The following VILL variants were observed in gnomAD, a reference collection of about 807,000 sequenced individuals.
The protein encoded by VILL is villin-like protein.
VILL carries 102 observed loss-of-function variants against 106.3 expected under a neutral mutation model. That is an observed-to-expected ratio of 0.96 (90% CI 0.82 to 1.13). The LOEUF is 1.13. Among genes scored for constraint, VILL ranks in the 50% most tolerant of loss-of-function variants. VILL has a pLI of 0.00. For synonymous variants in VILL, 431 were observed against 440.3 expected (o/e 0.98, Z 0.27); for missense variants, 1,076 against 1,116.6 (o/e 0.96, Z 0.52).
At chr3:38,002,687 T>TG in intron 14 of VILL, 112 bp downstream of exon 14, 3 of 1,220,792 alleles carry the variant, frequency 2.5e-6, no homozygotes, top group Non-Finnish European at 3.4e-6. Context: ...GATAGGCCGA[T>TG]GGGGGGAATG....
Position 37,998,221 on chromosome 3 carries a change from G to T in VILL, c.844-45G>T. 6.2e-7 allele frequency: 1 copy of T among 1,613,886 alleles called. No individual in the cohort carries two copies. Among genetic ancestry groups the T allele is most frequent in the South Asian group, 1.1e-5 (1 of 91,074 alleles). Reference sequence around the variant, plus strand: ...GCATCCTTCCCCATCCACAACCCCAGCCCAGTCTGGACCACCTACTGACCA... The same window carrying T: ...GCATCCTTCCCCATCCACAACCCCATCCCAGTCTGGACCACCTACTGACCA... On this transcript the variant is annotated intron_variant, in intron 8 of 19. Coordinates refer to ENST00000383759, the MANE Select transcript of VILL (RefSeq NM_015873.4). The surrounding 1 kb of genome is among the most constrained non-coding windows in gnomAD (Gnocchi z 4.1).
At chr3:37,991,659 G>A (rs1699612438) in intron 1 of VILL, among the ~76,000 whole-genome samples, 1 of 152,028 alleles carries the variant, frequency 6.6e-6, no homozygotes, top group Admixed American at 6.5e-5. Flanking sequence ...TGGAGGAAGT[G>A]CACCCCCAGG....
rs377050534 is a variant in VILL, at chr3:38,001,828, G to A, written c.1447G>A (p.Ala483Thr). The A allele has an allele frequency of 1.3e-5, 21 of 1,614,112 alleles. No homozygotes were observed. Among genetic ancestry groups the A allele is most frequent in the East Asian group, 4.5e-5 (2 of 44,896 alleles). ...TMGSEPPHFL[A>T]IFQGQLVIFQ... Reference sequence around the variant, plus strand: ...GGGCAGCGAGCCCCCCCACTTCCTCGCCATCTTCCAGGGCCAGCTGGTGAT... The same window carrying A: ...GGGCAGCGAGCCCCCCCACTTCCTCACCATCTTCCAGGGCCAGCTGGTGAT... The change falls in exon 13 of 20, where the codon GCC (alanine) becomes ACC (threonine). Residue 483 changes from alanine (A) to threonine (T), a missense_variant. Ala to Thr is a moderately conservative substitution (Grantham distance 58). Coordinates refer to ENST00000383759, the MANE Select transcript of VILL (RefSeq NM_015873.4).
rs1030147828 is a variant in VILL at position 37,990,919 on chromosome 3, G to A, written c.-87+90G>A. On this transcript the variant is annotated intron_variant, in intron 1 of 19. Transcript: ENST00000383759. This position sits in a 1 kb window ranked among gnomAD's most constrained non-coding sequence, Gnocchi z 5.1. ...TTCAAGTCAAGGGCATAGAGCATAG[G>A]GTCCCAGGGCTCAGGGCCACAGAGC... 3.3e-5 allele frequency: 5 copies of A among 152,468 alleles called. No homozygotes were observed. Among genetic ancestry groups the A allele is most frequent in the African/African-American group, 1.2e-4 (5 of 41,458 alleles). The allele number at this position is 152,468 out of a possible 1,614,324, so 9.4% of individuals were successfully genotyped here. A position where few individuals can be genotyped will look rare whatever the true frequency, so the allele number is the denominator to read the frequency against.
chr3:37,988,175 A>T (rs1019946217), upstream of VILL: 3 of 152,320 alleles, frequency 2.0e-5, no homozygotes, highest in African/African-American at 7.2e-5. Flanking sequence ...CTGCAGTGCA[A>T]AGGTCTGCAG....
intron 1 of VILL, among the ~76,000 whole-genome samples, chr3:37,991,797 C>G (rs1559654408): frequency 6.6e-6 from 1 of 151,000 alleles, no homozygotes; most frequent in Non-Finnish European, 1.5e-5. Context: ...GGAGGGGGCA[C>G]TGTGGGGGGT....
At chr3:37,993,861 G>A in intron 2 of VILL, 37 bp from the exon 3 acceptor site, 1 of 1,612,998 alleles carries the variant, frequency 6.2e-7, no homozygotes, top group Non-Finnish European at 8.5e-7. Context: ...ATGGGTAGAG[G>A]CCTCCTGAGT....
In VILL at chr3:37,998,398, G is replaced by A; in HGVS notation, c.942+34G>A. Reference sequence around the variant, plus strand: ...TGGGGCTCTGTCTGAGAGGAACAGAGCACTGCCCTGGGGTCTGAGTGGGGA... The same window carrying A: ...TGGGGCTCTGTCTGAGAGGAACAGAACACTGCCCTGGGGTCTGAGTGGGGA... On this transcript the variant is annotated intron_variant, in intron 9 of 19. Transcript: ENST00000383759. The surrounding 1 kb of genome is among the most constrained non-coding windows in gnomAD (Gnocchi z 4.1). 1 of 1,598,824 alleles carries A rather than the reference G, an allele frequency of 6.3e-7. No homozygotes were observed. Among genetic ancestry groups the A allele is most frequent in the Non-Finnish European group, 8.6e-7 (1 of 1,166,540 alleles).
chr3:38,006,553 G>C lies in VILL; in HGVS notation c.2310G>C (p.Leu770=), dbSNP rs1699930429. 2 of 1,614,166 alleles carry C rather than the reference G, an allele frequency of 1.2e-6. No homozygotes were observed. The highest frequency in any genetic ancestry group is 2.7e-5 in the African/African-American group (2 of 75,078). The change falls in exon 19 of 20, where the codon CTG becomes CTC. Residue 770 remains leucine (L), a synonymous_variant. Transcript: ENST00000383759. ...CCCAGGACAGCTCAGAGAATGATCT[G>C]GTGCGAAGCCCCAAGTCGGCTGGCA... ...KGSQDSSEND[L]VRSPKSAGSR... is the part of the protein sequence containing the mutation.
intron 16 of VILL, 66 bp downstream of exon 16, chr3:38,004,465 T>A (rs1699878951): frequency 6.4e-7 from 1 of 1,559,628 alleles, no homozygotes; most frequent in Non-Finnish European, 8.7e-7. Flanking sequence ...TGTAACTGGG[T>A]GTGTGTGTAT....
chr3:37,993,786 T>C (rs561925674), intron 2 of VILL, 54 bp downstream of exon 2: 1 of 1,609,240 alleles, frequency 6.2e-7, no homozygotes, highest in South Asian at 1.1e-5. Context: ...CGTGGGGTTT[T>C]CCACACTAGG....
chr3:37,997,368 A>G lies in VILL; in HGVS notation c.562-115A>G. On this transcript the variant is annotated intron_variant, in intron 6 of 19. Coordinates refer to ENST00000383759, the MANE Select transcript of VILL (RefSeq NM_015873.4). The surrounding 1 kb of genome is among the most constrained non-coding windows in gnomAD (Gnocchi z 4.7). ...TGGTGTCCCCCTGGATGCCAGGATGAGGGGACATCAGCCCTTCTCCCCATC... is the reference window on the plus strand; with the variant it reads ...TGGTGTCCCCCTGGATGCCAGGATGGGGGGACATCAGCCCTTCTCCCCATC... 3 of 1,232,108 alleles carry G rather than the reference A, an allele frequency of 2.4e-6. No individual in the cohort carries two copies. The highest frequency in any genetic ancestry group is 2.4e-5 in the East Asian group (1 of 40,838). 76.3% of individuals were successfully genotyped at this position (1,232,108 alleles called of 1,614,324 possible).
At chr3:37,995,321 T>A (rs1699681063) in intron 4 of VILL, among the ~76,000 whole-genome samples, 1 of 152,260 alleles carries the variant, frequency 6.6e-6, no homozygotes, top group Non-Finnish European at 1.5e-5. Context: ...CACAAACATA[T>A]GCGCAGATGC....
chr3:37,998,046 A>G lies in VILL; in HGVS notation c.765-44A>G, dbSNP rs1256420299. The G allele has an allele frequency of 3.9e-6, 6 of 1,543,764 alleles. No individual in the cohort carries two copies. The highest frequency in any genetic ancestry group is 5.3e-6 in the Non-Finnish European group (6 of 1,135,944). ...AATGGGGCTGGAGTGGAGACAGATCAGGGAGGGGCTGGGCTGGCCACTCCT... is the reference window on the plus strand; with the variant it reads ...AATGGGGCTGGAGTGGAGACAGATCGGGGAGGGGCTGGGCTGGCCACTCCT... On this transcript the variant is annotated intron_variant, in intron 7 of 19. Transcript: ENST00000383759. The surrounding 1 kb of genome is among the most constrained non-coding windows in gnomAD (Gnocchi z 4.1).
In VILL at chr3:37,997,067, G is replaced by A. The variant is rs777780367; in HGVS notation, c.451-10G>A. 1.6e-5 allele frequency: 26 copies of A among 1,612,538 alleles called. No homozygotes were observed. The highest frequency in any genetic ancestry group is 3.3e-4 in the Middle Eastern group (2 of 6,066). On this transcript the variant is annotated splice_polypyrimidine_tract_variant and intron_variant, in intron 5 of 19. Coordinates refer to ENST00000383759, the MANE Select transcript of VILL (RefSeq NM_015873.4). The surrounding 1 kb of genome is among the most constrained non-coding windows in gnomAD (Gnocchi z 4.7). ...GTATGACACTCTGTCTCTCTCCCTG[G>A]CTCTGGCAGGTGGAGCTCTCCTGGA...
At chr3:37,991,600 G>C (rs546522639) in intron 1 of VILL, among the ~76,000 whole-genome samples, 4 of 152,086 alleles carry the variant, frequency 2.6e-5, no homozygotes, top group Non-Finnish European at 5.9e-5. Context: ...GGGAGAGAAA[G>C]GGAAACCAGG....
intron 4 of VILL, 111 bp downstream of exon 4, chr3:37,994,577 G>A: frequency 8.1e-7 from 1 of 1,241,832 alleles, no homozygotes; most frequent in Non-Finnish European, 1.1e-6. Context: ...GCCGGGAGGG[G>A]TTGGGTAACA....
chr3:37,997,552 G>A lies in VILL; in HGVS notation c.631G>A (p.Asp211Asn). 6.2e-7 allele frequency: 1 copy of A among 1,614,190 alleles called. No individual in the cohort carries two copies. The highest frequency in any genetic ancestry group is 1.1e-5 in the South Asian group (1 of 91,090). Residue 211 changes from aspartate to asparagine, a missense_variant, in exon 7 of 20, where the codon GAT becomes AAT. Coordinates refer to ENST00000383759, the MANE Select transcript of VILL (RefSeq NM_015873.4). The surrounding 1 kb of genome is among the most constrained non-coding windows in gnomAD (Gnocchi z 4.7). Reference sequence around the variant, plus strand: ...TGGTCGTGCACAGATTGGTGTGGTGGATGATGAGGCCAAAGCCCCGGACCT... The same window carrying A: ...TGGTCGTGCACAGATTGGTGTGGTGAATGATGAGGCCAAAGCCCCGGACCT... ...GGGRAQIGVV[D>N]DEAKAPDLMQ... is the part of the protein sequence containing the mutation.
In VILL at chr3:37,995,764, G is replaced by C. The variant is rs754010420; in HGVS notation, c.367G>C (p.Asp123His). The C allele has an allele frequency of 6.2e-7, 1 of 1,613,878 alleles. No individual in the cohort carries two copies. The highest frequency in any genetic ancestry group is 1.7e-5 in the Admixed American group (1 of 60,002). Residue 123 changes from aspartate (D) to histidine (H), a missense_variant, in exon 5 of 20, where the codon GAC (aspartate) becomes CAC (histidine). Coordinates refer to ENST00000383759, the MANE Select transcript of VILL (RefSeq NM_015873.4). ...CTACAGGAAGGGAGGCCTAGCATCT[G>C]ACCTCAAGCATGTGGAGACCAACTT... ...IIYRKGGLAS[D>H]LKHVETNLFN...
Sources: allele counts gnomAD v4.1 joint callset (sites outside exome capture counted in the v4.1 genomes callset), GRCh38; gene constraint gnomAD v4.1.1; non-coding constraint Gnocchi (gnomAD v3.1); transcripts MANE v1.5; gene names NCBI Gene and HGNC (gene_info 2026-07-23, HGNC 2026-07-21).